The following CNTNAP4 variants were observed in gnomAD, a reference collection of about 807,000 sequenced individuals.
CNTNAP4 encodes contactin-associated protein-like 4.
A neutral mutation model predicts 148.4 loss-of-function variants in CNTNAP4; 98 were observed. The observed-to-expected ratio is 0.66, with a 90% CI of 0.56 to 0.78. The LOEUF (loss-of-function observed/expected upper bound fraction) is 0.78, where lower values mean the gene tolerates loss of function less well. Among genes scored for constraint, CNTNAP4 ranks in the 30% least tolerant of loss-of-function variants. CNTNAP4 has a pLI of 0.00. For synonymous variants in CNTNAP4, 730 were observed against 565.1 expected (o/e 1.29, Z -4.14); for missense variants, 1,935 against 1,565.6 (o/e 1.24, Z -3.98).
intron 2 of CNTNAP4, among the ~76,000 whole-genome samples, chr16:76,329,119 G>C (rs1045105967): frequency 6.6e-6 from 1 of 152,214 alleles, no homozygotes; most frequent in African/African-American, 2.4e-5. Context: ...AAGAATATTT[G>C]TGTGTGCCTG....
intron 3 of CNTNAP4, among the ~76,000 whole-genome samples, chr16:76,403,144 G>C (rs192773645): frequency 6.6e-6 from 1 of 151,258 alleles, no homozygotes; most frequent in Admixed American, 6.6e-5. Flanking sequence ...CGGGGCTGGA[G>C]TGCAGTGGCG....
chr16:76,533,898 G>A (rs958900770), intron 17 of CNTNAP4, among the ~76,000 whole-genome samples: 11 of 152,114 alleles, frequency 7.2e-5, no homozygotes, highest in African/African-American at 2.7e-4. Context: ...AACCAAGTAT[G>A]TAAATGGAAA....
intron 1 of CNTNAP4, among the ~76,000 whole-genome samples, chr16:76,291,952 G>A (rs564486758): frequency 3.0e-4 from 46 of 152,240 alleles, no homozygotes; most frequent in African/African-American, 1.1e-3. Context: ...TGGCTAAGTA[G>A]CCTTTGGATT....
intron 3 of CNTNAP4, among the ~76,000 whole-genome samples, chr16:76,391,991 C>A (rs1270541828): frequency 1.6e-5 from 2 of 126,800 alleles, no homozygotes; most frequent in Non-Finnish European, 3.6e-5. Context: ...AGATAAGTAT[C>A]CTAATGTGTT....
chr16:76,310,014 C>T (rs1162967198), intron 1 of CNTNAP4: 1 of 622,134 alleles, frequency 1.6e-6, no homozygotes, highest in Non-Finnish European at 2.9e-6. Context: ...TATTATTTGG[C>T]TTCTTGCACT....
chr16:76,496,054 ATTATG>A (rs1027783402), intron 14 of CNTNAP4, among the ~76,000 whole-genome samples: 7 of 149,952 alleles, frequency 4.7e-5, no homozygotes, highest in East Asian at 1.9e-4. Flanking sequence ...CATACAACAG[ATTATG>A]TTATATCATA....
intron 10 of CNTNAP4, among the ~76,000 whole-genome samples, chr16:76,468,520 C>T (rs1014073738): frequency 1.3e-5 from 2 of 152,032 alleles, no homozygotes; most frequent in African/African-American, 4.8e-5. Context: ...CAAGGTCTGG[C>T]TCTGTCGCCC....
In CNTNAP4 at chr16:76,388,014, G is replaced by A. The variant is rs543583041; in HGVS notation, c.390+32503G>A. ...TACTATGTAAATATTTGTCATTAAC[G>A]GGTGCTTGCCAGTCTATTTTGCCCC... On this transcript the variant is annotated intron_variant, in intron 3 of 23. Coordinates refer to ENST00000611870, the MANE Select transcript of CNTNAP4 (RefSeq NM_033401.5). Among the ~76,000 whole-genome samples the A allele has an allele frequency of 2.6e-5, 4 of 152,182 alleles. No individual in the cohort carries two copies. In the South Asian group the frequency reaches 6.2e-4, roughly 24 times the overall value.
intron 23 of CNTNAP4, among the ~76,000 whole-genome samples, chr16:76,554,494 A>G (rs1371109301): frequency 2.6e-5 from 4 of 152,178 alleles, no homozygotes; most frequent in Admixed American, 6.5e-5. Flanking sequence ...TTGCAGAATT[A>G]ACACAAAAAC....
chr16:76,409,365 A>T (rs1030764697), intron 3 of CNTNAP4, among the ~76,000 whole-genome samples: 1 of 152,106 alleles, frequency 6.6e-6, no homozygotes, highest in African/African-American at 2.4e-5. Context: ...TTAAAATAAC[A>T]TGCAATATGT....
chr16:76,294,841 C>A (rs187881036), intron 1 of CNTNAP4, among the ~76,000 whole-genome samples: 1 of 152,324 alleles, frequency 6.6e-6, no homozygotes, highest in African/African-American at 2.4e-5. Context: ...TTATTATGGT[C>A]TCAATCTGTA....
chr16:76,398,556 C>G (rs2078291627), intron 3 of CNTNAP4, among the ~76,000 whole-genome samples: 1 of 152,070 alleles, frequency 6.6e-6, no homozygotes, highest in Non-Finnish European at 1.5e-5. Context: ...GTCAGAACTA[C>G]TTTGAGATAG....
At position 76,316,430 on chromosome 16, in the gene CNTNAP4, C is replaced by T. The variant is rs1352119394; in HGVS notation, c.103C>T (p.Leu35Phe). 6 of 1,613,674 alleles carry T rather than the reference C, an allele frequency of 3.7e-6. No homozygotes were observed. Among genetic ancestry groups the T allele is most frequent in the Non-Finnish European group, 4.2e-6 (5 of 1,179,642 alleles). The part of the protein sequence containing the change: ...AGNSYDCDDP[L>F]VSALPQASFS... ...CCTGGCAGATGACTGTGATGATCCT[C>T]TTGTGTCTGCCTTGCCTCAGGCATC... is the stretch of plus-strand genomic sequence containing the variant. The change falls in exon 2 of 24, where the codon CTT (leucine) becomes TTT (phenylalanine). Residue 35 changes from leucine to phenylalanine, a missense_variant. Coordinates refer to ENST00000611870, the MANE Select transcript of CNTNAP4 (RefSeq NM_033401.5).
At chr16:76,386,777 T>C (rs1186286947) in intron 3 of CNTNAP4, among the ~76,000 whole-genome samples, 1 of 152,182 alleles carries the variant, frequency 6.6e-6, no homozygotes, top group Non-Finnish European at 1.5e-5. Context: ...AGATGGATTT[T>C]AGGTTGTTAA....
At chr16:76,429,230 A>G (rs34382960) in intron 4 of CNTNAP4, among the ~76,000 whole-genome samples, 53,282 of 151,990 alleles carry the variant, frequency 0.35, 10,717 homozygotes, top group Non-Finnish European at 0.43. Context: ...GATCCTGCAA[A>G]CTAGAAGTTG....
intron 1 of CNTNAP4, 190 bp from the exon 2 acceptor site, chr16:76,316,223 C>T: frequency 1.6e-6 from 1 of 620,080 alleles, no homozygotes; most frequent in Non-Finnish European, 2.9e-6. Context: ...ATTCTCCTGT[C>T]TTTAAGTTTT....
At chr16:76,526,658 A>G (rs888730172) in intron 17 of CNTNAP4, among the ~76,000 whole-genome samples, 3 of 151,970 alleles carry the variant, frequency 2.0e-5, no homozygotes, top group Non-Finnish European at 2.9e-5. Flanking sequence ...TTCTCACATT[A>G]TTTGCCAGTT....
intron 15 of CNTNAP4, among the ~76,000 whole-genome samples, chr16:76,518,855 G>C (rs961629454): frequency 5.9e-5 from 9 of 151,730 alleles, no homozygotes; most frequent in African/African-American, 2.2e-4. Context: ...TTCCCCCTCC[G>C]CCATTTCCTG....
intron 3 of CNTNAP4, among the ~76,000 whole-genome samples, chr16:76,379,744 A>G (rs1431049469): frequency 6.6e-6 from 1 of 152,224 alleles, no homozygotes; most frequent in Non-Finnish European, 1.5e-5. Flanking sequence ...CATCAGTTTC[A>G]ATCACTACTG....
Sources: allele counts gnomAD v4.1 joint callset (sites outside exome capture counted in the v4.1 genomes callset), GRCh38; gene constraint gnomAD v4.1.1; transcripts MANE v1.5; gene names NCBI Gene and HGNC (gene_info 2026-07-23, HGNC 2026-07-21).